The following CFAP92 variants were observed in gnomAD, a reference collection of about 807,000 sequenced individuals.
The protein encoded by CFAP92 is uncharacterized protein CFAP92.
In CFAP92, 86 loss-of-function variants were observed where a neutral mutation model predicts 106.3. The observed-to-expected ratio is 0.81, with a 90% confidence interval of 0.68 to 0.97. CFAP92 has a LOEUF of 0.97. CFAP92 is among the 50% of genes least tolerant of loss of function. The pLI is 0.00. For synonymous variants in CFAP92, 477 were observed against 506.4 expected, an observed-to-expected ratio of 0.94 and a Z score of 0.78; for missense variants, 1,204 against 1,283.8, an observed-to-expected ratio of 0.94 and a Z score of 0.95.
At chr3:129,017,438 TGCACAAGCTC>T in the CFAP92 span, among the ~76,000 whole-genome samples, 1 of 152,238 alleles carries the variant, frequency 6.6e-6, no homozygotes, top group Non-Finnish European at 1.5e-5. Context: ...CGGGCTTCTC[TGCACAAGCTC>T]GCACAAGGCC....
chr3:128,957,234 TAC>T (rs1410111307), intron 9 of CFAP92, among the ~76,000 whole-genome samples: 2 of 152,182 alleles, frequency 1.3e-5, no homozygotes, highest in Admixed American at 6.5e-5. Flanking sequence ...GGTAAACAAA[TAC>T]ACTTTCCTTC....
the CFAP92 span, among the ~76,000 whole-genome samples, chr3:129,013,183 C>A: frequency 1.3e-5 from 2 of 152,122 alleles, no homozygotes; most frequent in African/African-American, 4.8e-5. Context: ...GGGTGGGCAT[C>A]ATGATCGCCA....
At chr3:129,016,384 C>G in the CFAP92 span, among the ~76,000 whole-genome samples, 1 of 152,126 alleles carries the variant, frequency 6.6e-6, no homozygotes, top group African/African-American at 2.4e-5. Flanking sequence ...CAAGCTGTAG[C>G]TCTTTCTGAA....
In CFAP92 at chr3:128,916,177, T is replaced by G. The variant is rs1428515092; in HGVS notation, c.2846A>C (p.Tyr949Ser). ...KISAPANKAV[Y>S]NYSTQTMNST... ...ATTCATGGTCTGGGTACTATAGTTG[T>G]AGACGGCCTTGTTGGCAGGGGCTGA... is the stretch of plus-strand genomic sequence containing the variant. The change falls in exon 13 of 16, where the codon TAC becomes TCC. Residue 949 changes from tyrosine to serine, a missense_variant. Transcript: ENST00000645291. 8.1e-7 allele frequency: 1 copy of G among 1,232,038 alleles called. No homozygotes were observed. The highest frequency in any genetic ancestry group is 1.6e-5 in the African/African-American group (1 of 64,416). The allele number at this position is 1,232,038 out of a possible 1,614,324, so 76.3% of individuals were successfully genotyped here. A position where few individuals can be genotyped will look rare whatever the true frequency, so the allele number is the denominator to read the frequency against.
At chr3:128,953,592 T>TCTCCCC (rs1941041976) in intron 9 of CFAP92, among the ~76,000 whole-genome samples, 1 of 111,388 alleles carries the variant, frequency 9.0e-6, no homozygotes, top group Non-Finnish European at 1.6e-5. Context: ...TCCCTCTCCC[T>TCTCCCC]CTCCCTCCCC....
chr3:129,001,907 C>T (rs1315049645), intron 1 of CFAP92: 1 of 1,538,124 alleles, frequency 6.5e-7, no homozygotes, highest in South Asian at 1.2e-5. Flanking sequence ...CGGAGGGGGC[C>T]ACCACGGCCG....
At chr3:128,960,139 C>A (rs1351333326) in intron 9 of CFAP92, among the ~76,000 whole-genome samples, 1 of 152,200 alleles carries the variant, frequency 6.6e-6, no homozygotes, top group Non-Finnish European at 1.5e-5. Flanking sequence ...CGGCCCCACT[C>A]CCTTCGCTGA....
chr3:128,935,728 C>CA (rs796579499), intron 10 of CFAP92, among the ~76,000 whole-genome samples: 1 of 151,886 alleles, frequency 6.6e-6, no homozygotes, highest in Non-Finnish European at 1.5e-5. Flanking sequence ...AAAAACAAAA[C>CA]AAAAAAACAA....
At chr3:128,998,936 C>A (rs1178209471), upstream of CFAP92, among the ~76,000 whole-genome samples, 1 of 152,162 alleles carries the variant, frequency 6.6e-6, no homozygotes, top group Non-Finnish European at 1.5e-5. Context: ...CCAAAAAGTT[C>A]TTTCATGCCC....
upstream of CFAP92, among the ~76,000 whole-genome samples, chr3:128,998,290 GA>G (rs1944556848): frequency 6.6e-6 from 1 of 152,128 alleles, no homozygotes; most frequent in South Asian, 2.1e-4. Flanking sequence ...CAAATGTTTT[GA>G]ACTTTGATGA....
At chr3:128,953,047 A>C (rs1940965229) in intron 9 of CFAP92, among the ~76,000 whole-genome samples, 1 of 152,134 alleles carries the variant, frequency 6.6e-6, no homozygotes, top group Non-Finnish European at 1.5e-5. Flanking sequence ...GCACCATTGC[A>C]CTGGGCGACA....
intron 5 of CFAP92, 79 bp from the exon 6 acceptor site, chr3:128,977,145 T>C: frequency 9.1e-7 from 1 of 1,096,986 alleles, no homozygotes; most frequent in South Asian, 1.3e-5. Context: ...GACCCATTTC[T>C]GTAATGTCAG....
At chr3:128,913,078 AC>A (rs778527347) in intron 15 of CFAP92, 1 of 453,880 alleles carries the variant, frequency 2.2e-6, no homozygotes, top group South Asian at 1.6e-5. Flanking sequence ...GAACCATTTA[AC>A]AAAGAATATA....
intron 8 of CFAP92, 123 bp from the exon 9 acceptor site, chr3:128,965,818 TAAAAAAAAA>T: frequency 6.0e-6 from 2 of 332,304 alleles, no homozygotes; most frequent in South Asian, 3.3e-4. Flanking sequence ...AAACTTTAAT[TAAAAAAAAA>T]AAAGAAAAGA....
intron 15 of CFAP92, 130 bp from the exon 16 acceptor site, chr3:128,910,463 AC>A: frequency 2.2e-6 from 2 of 917,142 alleles, no homozygotes; most frequent in Non-Finnish European, 3.2e-6. Flanking sequence ...CCCACTGTAT[AC>A]CAGGATCTCT....
At chr3:128,933,558 C>T (rs1205264480) in intron 11 of CFAP92, among the ~76,000 whole-genome samples, 2 of 152,220 alleles carry the variant, frequency 1.3e-5, no homozygotes, top group East Asian at 3.8e-4. Context: ...TCTCAGCTGC[C>T]TCCGAAGTCC....
At chr3:128,970,984 TAAC>T in intron 8 of CFAP92, 1 of 447,962 alleles carries the variant, frequency 2.2e-6, no homozygotes, top group Non-Finnish European at 3.9e-6. Context: ...AGCATCTTCT[TAAC>T]AAACACAATG....
Position 128,945,767 on chromosome 3 carries a change from C to G in CFAP92, c.1562G>C (p.Cys521Ser). ...CCCAAACAGCACGGGCTTCTGAGAACACTCCTCTGACTTGCGGTCCCGGTC... is the reference window on the plus strand; with the variant it reads ...CCCAAACAGCACGGGCTTCTGAGAAGACTCCTCTGACTTGCGGTCCCGGTC... ...VHDRDRKSEE[C>S]SQKPVLFGED... Residue 521 changes from cysteine to serine, a missense_variant, in exon 10 of 16, where the codon TGT becomes TCT. Physicochemically the swap from Cys to Ser is moderately radical, Grantham distance 112. Coordinates refer to ENST00000645291, the MANE Select transcript of CFAP92 (RefSeq NM_001394090.1). 6.5e-7 allele frequency: 1 copy of G among 1,534,342 alleles called. No individual in the cohort carries two copies. The highest frequency in any genetic ancestry group is 8.7e-7 in the Non-Finnish European group (1 of 1,146,050).
At chr3:128,958,581 T>G (rs1034712877) in intron 9 of CFAP92, among the ~76,000 whole-genome samples, 3 of 152,204 alleles carry the variant, frequency 2.0e-5, no homozygotes. Flanking sequence ...ATGGACATAC[T>G]CACACTAAGA....
Sources: gnomAD v4.1 joint callset for allele counts (sites outside exome capture counted in the v4.1 genomes callset) on GRCh38, gnomAD v4.1.1 for gene constraint, MANE v1.5 for transcripts, NCBI Gene and HGNC (gene_info 2026-07-23, HGNC 2026-07-21) for gene names.